KLHL2: variants seen among roughly 807,000 people sequenced by gnomAD.
KLHL2 encodes the protein kelch like family member 2, also known as kelch-like protein 2.
Under a neutral mutation model 75.8 loss-of-function variants are expected in KLHL2, and 15 were observed. The ratio of observed to expected loss-of-function variants is 0.20; its 90% CI spans 0.13 to 0.30. The LOEUF (loss-of-function observed/expected upper bound fraction) is 0.30, where lower values mean the gene tolerates loss of function less well. Ranked by LOEUF, KLHL2 falls within the 10% of genes least tolerant of loss-of-function variation. KLHL2 has a pLI of 1.00. For synonymous variants in KLHL2, 214 were observed against 251.9 expected, an observed-to-expected ratio of 0.85 and a Z score of 1.42; for missense variants, 381 against 741.0, an observed-to-expected ratio of 0.51 and a Z score of 5.64.
At chr4:165,234,110 A>T (rs1170233747) in intron 3 of KLHL2, among the ~76,000 whole-genome samples, 1 of 152,144 alleles carries the variant, frequency 6.6e-6, no homozygotes, top group Non-Finnish European at 1.5e-5. Context: ...CCAGAACAAA[A>T]CTGGCAGGGC....
At chr4:165,216,014 GAA>G (rs1263371307) in intron 1 of KLHL2, among the ~76,000 whole-genome samples, 2 of 152,096 alleles carry the variant, frequency 1.3e-5, no homozygotes, top group Non-Finnish European at 2.9e-5. Flanking sequence ...TCACGCTGCT[GAA>G]AACCATTGTT....
At chr4:165,251,227 T>C (rs1740676906) in intron 4 of KLHL2, among the ~76,000 whole-genome samples, 1 of 152,024 alleles carries the variant, frequency 6.6e-6, no homozygotes, top group African/African-American at 2.4e-5. Flanking sequence ...AATGAATTTA[T>C]CTGACATTCT....
At chr4:165,289,818 T>C (rs1219437033) in intron 5 of KLHL2, among the ~76,000 whole-genome samples, 1 of 152,216 alleles carries the variant, frequency 6.6e-6, no homozygotes, top group Non-Finnish European at 1.5e-5. Context: ...AGTCACAGTA[T>C]GGAAAAGTTC....
chr4:165,269,890 C>T (rs1742547944), intron 5 of KLHL2, among the ~76,000 whole-genome samples: 1 of 152,082 alleles, frequency 6.6e-6, no homozygotes, highest in Non-Finnish European at 1.5e-5. Flanking sequence ...GGGAAGTTCT[C>T]CTGGATAATA....
intron 3 of KLHL2, among the ~76,000 whole-genome samples, chr4:165,233,370 T>G (rs556523734): frequency 2.0e-4 from 30 of 152,366 alleles, no homozygotes; most frequent in African/African-American, 6.7e-4. Flanking sequence ...TAACACATAC[T>G]TTGAGATTTA....
intron 12 of KLHL2, among the ~76,000 whole-genome samples, 185 bp downstream of exon 12, chr4:165,313,551 A>C (rs945719360): frequency 6.6e-6 from 1 of 152,166 alleles, no homozygotes; most frequent in African/African-American, 2.4e-5. Context: ...TTTACTTTAA[A>C]ATTTAATGTC....
In KLHL2 at chr4:165,238,758, C is replaced by G. The variant is rs1454282946; in HGVS notation, c.260-20C>G. 2.5e-6 allele frequency: 4 copies of G among 1,613,240 alleles called. No homozygotes were observed. Among genetic ancestry groups the G allele is most frequent in the Non-Finnish European group, 8.5e-7 (1 of 1,179,776 alleles). ...AGCAGTGTCTTGCTGTAACATCACT[C>G]TTATTCCTTTGTGTTTTAGGTGAGA... is the stretch of plus-strand genomic sequence containing the variant. On this transcript the variant is annotated intron_variant, in intron 3 of 14. Coordinates refer to ENST00000226725, the MANE Select transcript of KLHL2 (RefSeq NM_007246.4).
At chr4:165,248,645 C>A in intron 4 of KLHL2, among the ~76,000 whole-genome samples, 1 of 152,096 alleles carries the variant, frequency 6.6e-6, no homozygotes, top group East Asian at 1.9e-4. Flanking sequence ...CTTAGTAGGT[C>A]ATTATTAGCA....
chr4:165,208,003 C>G, intron 1 of KLHL2, 101 bp downstream of exon 1: 1 of 837,370 alleles, frequency 1.2e-6, no homozygotes, highest in Non-Finnish European at 1.6e-6. Context: ...CCGCCGGGGC[C>G]GGCGGGAGGT....
chr4:165,269,949 G>A (rs1056927109), intron 5 of KLHL2, among the ~76,000 whole-genome samples: 4 of 151,940 alleles, frequency 2.6e-5, no homozygotes, highest in African/African-American at 7.3e-5. Flanking sequence ...ATAACTCTCC[G>A]GTACACCAAT....
At chr4:165,230,696 A>G (rs1738813383) in intron 3 of KLHL2, among the ~76,000 whole-genome samples, 1 of 151,972 alleles carries the variant, frequency 6.6e-6, no homozygotes, top group Non-Finnish European at 1.5e-5. Context: ...AGTGTCTCCA[A>G]ACTCCCTGAG....
intron 1 of KLHL2, among the ~76,000 whole-genome samples, chr4:165,217,428 T>C (rs533442189): frequency 7.8e-4 from 118 of 152,244 alleles, no homozygotes; most frequent in African/African-American, 2.8e-3. Context: ...TCAGTGCTTT[T>C]CCTTTCTTAG....
chr4:165,320,677 A>C (rs1028857727), intron 14 of KLHL2, among the ~76,000 whole-genome samples: 1 of 152,212 alleles, frequency 6.6e-6, no homozygotes, highest in Non-Finnish European at 1.5e-5. Flanking sequence ...TGAATATATC[A>C]TTGTTATAGA....
chr4:165,229,050 T>C (rs1165960610), intron 3 of KLHL2, 137 bp downstream of exon 3: 1 of 586,322 alleles, frequency 1.7e-6, no homozygotes, highest in Non-Finnish European at 3.1e-6. Context: ...TCTTGCTTTG[T>C]TCCAAATTCC....
At chr4:165,232,097 C>G (rs1393670435) in intron 3 of KLHL2, among the ~76,000 whole-genome samples, 2 of 152,054 alleles carry the variant, frequency 1.3e-5, no homozygotes, top group African/African-American at 2.4e-5. Flanking sequence ...TTTTAGCAAT[C>G]TTTGTACTGT....
intron 3 of KLHL2, among the ~76,000 whole-genome samples, chr4:165,234,613 AT>A (rs1186473633): frequency 0.24 from 28,037 of 114,942 alleles, 2,416 homozygotes; most frequent in African/African-American, 0.29. Flanking sequence ...TTGAGTTGGA[AT>A]TTTTTTTTTT....
chr4:165,307,782 T>C (rs1274507927), intron 9 of KLHL2, among the ~76,000 whole-genome samples: 1 of 152,204 alleles, frequency 6.6e-6, no homozygotes, highest in Non-Finnish European at 1.5e-5. Context: ...TATGACAAAA[T>C]TATATTTTAA....
intron 13 of KLHL2, among the ~76,000 whole-genome samples, chr4:165,316,362 A>C (rs1290428389): frequency 1.3e-5 from 2 of 152,216 alleles, no homozygotes; most frequent in Non-Finnish European, 1.5e-5. Flanking sequence ...AATAGGCTGA[A>C]ATACAGTGTT....
At chr4:165,311,807 CTCTGTGTGTG>C (rs1289627132) in intron 11 of KLHL2, among the ~76,000 whole-genome samples, 45 of 111,724 alleles carry the variant, frequency 4.0e-4, no homozygotes, top group Middle Eastern at 4.8e-3. Context: ...CCTCCTTTCT[CTCTGTGTGTG>C]TGTGTGTGTG....
Sources: gnomAD v4.1 joint callset for allele counts (sites outside exome capture counted in the v4.1 genomes callset) on GRCh38, gnomAD v4.1.1 for gene constraint, MANE v1.5 for transcripts, NCBI Gene and HGNC (gene_info 2026-07-23, HGNC 2026-07-21) for gene names.